CNTNAP2: variants seen among roughly 807,000 people sequenced by gnomAD.
The protein encoded by CNTNAP2 is contactin-associated protein-like 2.
A neutral mutation model predicts 155.2 loss-of-function variants in CNTNAP2; 98 were observed. The observed-to-expected ratio is 0.63, with a 90% CI of 0.54 to 0.75. CNTNAP2 has a LOEUF of 0.75. Among genes scored for constraint, CNTNAP2 ranks in the 30% least tolerant of loss-of-function variants. The probability of loss-of-function intolerance (pLI) is 0.00; values close to 1 mark genes in which losing one functional copy is unlikely to be tolerated. For missense variants in CNTNAP2, 1,727 were observed against 1,688.1 expected (o/e 1.02, Z -0.40); for synonymous variants, 651 against 631.2 (o/e 1.03, Z -0.47).
At chr7:147,667,261 G>A (rs1440263894) in intron 13 of CNTNAP2, among the ~76,000 whole-genome samples, 10 of 152,112 alleles carry the variant, frequency 6.6e-5, no homozygotes, top group Non-Finnish European at 1.5e-4. Flanking sequence ...TTGTGAGGGG[G>A]AATTACTTGT....
At chr7:147,576,473 A>T (rs1414521989) in intron 12 of CNTNAP2, among the ~76,000 whole-genome samples, 1 of 152,120 alleles carries the variant, frequency 6.6e-6, no homozygotes, top group Non-Finnish European at 1.5e-5. Context: ...CTGTTTTTAC[A>T]GTAAATATGA....
intron 3 of CNTNAP2, among the ~76,000 whole-genome samples, chr7:146,868,585 A>C (rs1193501558): frequency 6.6e-6 from 1 of 152,126 alleles, no homozygotes; most frequent in Non-Finnish European, 1.5e-5. Flanking sequence ...CATAGCATTG[A>C]ATTTGTAAAT....
At chr7:146,443,628 G>C (rs991964635) in intron 1 of CNTNAP2, among the ~76,000 whole-genome samples, 3 of 152,156 alleles carry the variant, frequency 2.0e-5, no homozygotes, top group African/African-American at 4.8e-5. Context: ...TGTAACAAAG[G>C]CTATTTGGAA....
In CNTNAP2 at chr7:146,246,538, A is replaced by C. The variant is rs802515; in HGVS notation, c.97+129565A>C. Among the ~76,000 whole-genome samples, 802 of 149,238 alleles carry C rather than the reference A, an allele frequency of 5.4e-3. 9 individuals are homozygous for C. The highest frequency in any genetic ancestry group is 0.019 in the African/African-American group (759 of 39,538). On this transcript the variant is annotated intron_variant, in intron 1 of 23. Coordinates refer to ENST00000361727, the MANE Select transcript of CNTNAP2 (RefSeq NM_014141.6). ...AAGGTAATGTGGAGTGGGTAGCCTC[A>C]GTATTGATTAAGAAGGGGACAGACT...
intron 16 of CNTNAP2, among the ~76,000 whole-genome samples, chr7:148,119,033 C>T (rs1435295911): frequency 3.3e-5 from 5 of 152,108 alleles, no homozygotes; most frequent in African/African-American, 4.8e-5. Flanking sequence ...CATCAGGGCC[C>T]CAATTCAGCT....
chr7:147,061,095 G>A (rs1396137021), intron 4 of CNTNAP2, among the ~76,000 whole-genome samples: 1 of 137,304 alleles, frequency 7.3e-6, no homozygotes, highest in East Asian at 1.9e-4. Flanking sequence ...GAATCAAAGA[G>A]TTGAGCGGTG....
chr7:147,431,050 CA>C (rs34150647), intron 10 of CNTNAP2, among the ~76,000 whole-genome samples: 44,897 of 123,830 alleles, frequency 0.36, 7,221 homozygotes, highest in Admixed American at 0.43. Flanking sequence ...GACTCCATCT[CA>C]AAAAAAAAAA....
chr7:146,358,108 C>T (rs919087061), intron 1 of CNTNAP2, among the ~76,000 whole-genome samples: 8 of 151,994 alleles, frequency 5.3e-5, no homozygotes, highest in African/African-American at 1.9e-4. Context: ...GATCTCGGCT[C>T]ACTGCAAGCT....
At chr7:147,389,656 T>TA (rs781608720) in intron 9 of CNTNAP2, among the ~76,000 whole-genome samples, 22 of 152,178 alleles carry the variant, frequency 1.4e-4, no homozygotes, top group Non-Finnish European at 3.2e-4. Context: ...AGTGAAGTAA[T>TA]ATAATTACAA....
intron 21 of CNTNAP2, among the ~76,000 whole-genome samples, chr7:148,374,743 A>G (rs1352531792): frequency 6.6e-6 from 1 of 152,246 alleles, no homozygotes; most frequent in Non-Finnish European, 1.5e-5. Flanking sequence ...CCAATGAGTA[A>G]GAAGCAGGTC....
chr7:147,178,171 T>C (rs1802386554), intron 8 of CNTNAP2, among the ~76,000 whole-genome samples: 1 of 152,180 alleles, frequency 6.6e-6, no homozygotes, highest in Admixed American at 6.5e-5. Flanking sequence ...GGAGAGATTA[T>C]TGGGTTTATC....
intron 1 of CNTNAP2, among the ~76,000 whole-genome samples, chr7:146,151,665 T>TAC (rs1562968992): frequency 4.0e-5 from 2 of 49,486 alleles, no homozygotes; most frequent in Non-Finnish European, 7.8e-5. Flanking sequence ...TATATATATA[T>TAC]ATATATATAT....
At chr7:147,665,649 AGT>A (rs1448917584) in intron 13 of CNTNAP2, among the ~76,000 whole-genome samples, 2 of 151,414 alleles carry the variant, frequency 1.3e-5, no homozygotes, top group African/African-American at 2.4e-5. Flanking sequence ...GAGAGGCCCC[AGT>A]GTGTGTTTCC....
At chr7:148,027,953 C>T (rs1342240179) in intron 15 of CNTNAP2, among the ~76,000 whole-genome samples, 1 of 152,098 alleles carries the variant, frequency 6.6e-6, no homozygotes, top group African/African-American at 2.4e-5. Flanking sequence ...CATTCTCTCC[C>T]AACCTCAATA....
chr7:147,470,013 A>C (rs185235917), intron 10 of CNTNAP2, among the ~76,000 whole-genome samples: 120 of 152,326 alleles, frequency 7.9e-4, no homozygotes, highest in African/African-American at 2.8e-3. Flanking sequence ...TGGACAAGGC[A>C]GAGTGAGCAG....
chr7:147,718,892 T>C (rs955545164), intron 13 of CNTNAP2, among the ~76,000 whole-genome samples: 6 of 152,160 alleles, frequency 3.9e-5, no homozygotes, highest in African/African-American at 1.4e-4. Flanking sequence ...GTGCTCTATA[T>C]CTCAAGAGCT....
intron 3 of CNTNAP2, among the ~76,000 whole-genome samples, chr7:146,857,737 T>G (rs767470554): frequency 2.6e-5 from 4 of 152,156 alleles, no homozygotes; most frequent in Admixed American, 1.3e-4. Flanking sequence ...CACACCAATC[T>G]ATCAATAGAC....
At chr7:148,400,003 C>T (rs1228912041) in intron 22 of CNTNAP2, among the ~76,000 whole-genome samples, 1 of 152,190 alleles carries the variant, frequency 6.6e-6, no homozygotes, top group Admixed American at 6.5e-5. Context: ...CCAGGTCCCC[C>T]ACCCGAGACC....
At chr7:147,479,073 C>A (rs550860865) in intron 10 of CNTNAP2, among the ~76,000 whole-genome samples, 1 of 152,304 alleles carries the variant, frequency 6.6e-6, no homozygotes, top group Non-Finnish European at 1.5e-5. Flanking sequence ...TGCAGACTTT[C>A]TTCTCTAGCT....
Sources: gnomAD v4.1 joint callset for allele counts (sites outside exome capture counted in the v4.1 genomes callset) on GRCh38, gnomAD v4.1.1 for gene constraint, MANE v1.5 for transcripts, NCBI Gene and HGNC (gene_info 2026-07-23, HGNC 2026-07-21) for gene names.